Variants in RBFOX1 observed in about 807,000 individuals in gnomAD.
RBFOX1 encodes RNA binding fox-1 homolog 1, also known as RNA binding protein fox-1 homolog 1.
In RBFOX1, 8 loss-of-function variants were observed where a neutral mutation model predicts 57.7. That is an observed-to-expected ratio of 0.14 (90% CI 0.08 to 0.25). The LOEUF is 0.25. Among genes scored for constraint, RBFOX1 ranks in the 10% least tolerant of loss-of-function variants. The pLI is 1.00. For synonymous variants in RBFOX1, 326 were observed against 222.4 expected, an observed-to-expected ratio of 1.47 and a Z score of -4.15; for missense variants, 611 against 548.5, an observed-to-expected ratio of 1.11 and a Z score of -1.14.
chr16:6,744,657 A>G (rs1410633996), intron 3 of RBFOX1, among the ~76,000 whole-genome samples: 2 of 152,120 alleles, frequency 1.3e-5, no homozygotes, highest in South Asian at 2.1e-4. Flanking sequence ...AAAAATATAC[A>G]TAAGACATAT....
At chr16:6,951,829 G>T (rs1313041114) in intron 3 of RBFOX1, among the ~76,000 whole-genome samples, 2 of 152,132 alleles carry the variant, frequency 1.3e-5, no homozygotes, top group African/African-American at 4.8e-5. Flanking sequence ...CGCCTCCTGG[G>T]TTCAAGCGAT....
chr16:5,483,998 C>T (rs1019930680), intron 2 of RBFOX1, among the ~76,000 whole-genome samples: 2 of 151,984 alleles, frequency 1.3e-5, no homozygotes, highest in African/African-American at 4.8e-5. Context: ...TAGTAAGACC[C>T]TGTCTTGCCA....
intron 3 of RBFOX1, among the ~76,000 whole-genome samples, chr16:5,689,439 A>C (rs1014012446): frequency 2.0e-5 from 3 of 152,164 alleles, no homozygotes; most frequent in Admixed American, 6.6e-5. Flanking sequence ...GAGGGTGGGG[A>C]AAGCGGAGGA....
At chr16:5,495,026 T>A (rs2042957153) in intron 2 of RBFOX1, among the ~76,000 whole-genome samples, 4 of 152,196 alleles carry the variant, frequency 2.6e-5, no homozygotes, top group Admixed American at 2.6e-4. Context: ...CTCATACTGC[T>A]ATAAAAGACA....
intron 3 of RBFOX1, among the ~76,000 whole-genome samples, chr16:6,942,999 C>G (rs541699285): frequency 9.2e-5 from 14 of 152,290 alleles, no homozygotes; most frequent in Admixed American, 9.2e-4. Context: ...ATGGATCCCC[C>G]AAGGCTCTTC....
At chr16:7,061,980 C>G (rs1473641515) in intron 4 of RBFOX1, among the ~76,000 whole-genome samples, 1 of 152,100 alleles carries the variant, frequency 6.6e-6, no homozygotes, top group Non-Finnish European at 1.5e-5. Flanking sequence ...GCAAGAAACT[C>G]TCCTTTCCTG....
chr16:5,484,469 C>T (rs149368608), intron 2 of RBFOX1, among the ~76,000 whole-genome samples: 7 of 152,342 alleles, frequency 4.6e-5, no homozygotes, highest in Non-Finnish European at 2.9e-5. Context: ...ATTCCCTCTG[C>T]TTTATTCATT....
intron 4 of RBFOX1, among the ~76,000 whole-genome samples, chr16:5,869,689 C>T (rs547354298): frequency 6.6e-6 from 1 of 152,294 alleles, no homozygotes; most frequent in African/African-American, 2.4e-5. Flanking sequence ...AGGCATGAGC[C>T]ACCGCGCCCG....
intron 1 of RBFOX1, among the ~76,000 whole-genome samples, chr16:5,246,828 G>A (rs1017156862): frequency 1.3e-5 from 2 of 151,916 alleles, no homozygotes; most frequent in Non-Finnish European, 2.9e-5. Context: ...GCACCACCAC[G>A]CTCCACTAAG....
At chr16:6,934,830 A>G (rs535621119) in intron 3 of RBFOX1, among the ~76,000 whole-genome samples, 1 of 152,238 alleles carries the variant, frequency 6.6e-6, no homozygotes, top group South Asian at 2.1e-4. Flanking sequence ...TCCTGCAGGT[A>G]ATCCCAGCAC....
chr16:6,351,648 A>G (rs2086423242), intron 2 of RBFOX1, among the ~76,000 whole-genome samples: 1 of 152,130 alleles, frequency 6.6e-6, no homozygotes, highest in African/African-American at 2.4e-5. Context: ...TGTTGGGATT[A>G]CAGGCATAAG....
intron 1 of RBFOX1, among the ~76,000 whole-genome samples, chr16:6,209,482 A>G (rs72774600): frequency 0.018 from 2,734 of 152,310 alleles, 44 homozygotes; most frequent in Non-Finnish European, 0.029. Flanking sequence ...CATCTAATAC[A>G]CGTAACCTCT....
intron 3 of RBFOX1, among the ~76,000 whole-genome samples, chr16:6,972,485 C>G (rs1047554060): frequency 3.3e-5 from 5 of 152,150 alleles, no homozygotes; most frequent in Non-Finnish European, 7.3e-5. Context: ...ATCCATTCAT[C>G]TGTCAGTGGA....
At chr16:7,196,050 C>T (rs2152684003) in intron 4 of RBFOX1, among the ~76,000 whole-genome samples, 1 of 152,098 alleles carries the variant, frequency 6.6e-6, no homozygotes, top group East Asian at 1.9e-4. Flanking sequence ...CCCAGCCTCC[C>T]ATAGGGAGTT....
At chr16:7,075,971 TG>T (rs2153787922) in intron 4 of RBFOX1, among the ~76,000 whole-genome samples, 1 of 152,172 alleles carries the variant, frequency 6.6e-6, no homozygotes, top group South Asian at 2.1e-4. Flanking sequence ...CCACCGTCCT[TG>T]CACTTCCCTA....
At chr16:6,078,437 A>G (rs147956664) in intron 1 of RBFOX1, among the ~76,000 whole-genome samples, 1 of 151,812 alleles carries the variant, frequency 6.6e-6, no homozygotes, top group African/African-American at 2.4e-5. Flanking sequence ...ATCAGCTGTC[A>G]TTAGTATTAA....
chr16:5,981,059 G>A (rs1003571628), intron 4 of RBFOX1, among the ~76,000 whole-genome samples: 2 of 152,196 alleles, frequency 1.3e-5, no homozygotes, highest in Non-Finnish European at 2.9e-5. Context: ...CGTTCCTCTT[G>A]ACAGGATGCT....
intron 3 of RBFOX1, among the ~76,000 whole-genome samples, chr16:5,690,687 A>C (rs1433555740): frequency 6.6e-6 from 1 of 152,190 alleles, no homozygotes; most frequent in African/African-American, 2.4e-5. Flanking sequence ...ACATTAAATG[A>C]GTAATTTTCA....
chr16:7,322,843 C>T (rs2096563496), intron 4 of RBFOX1, among the ~76,000 whole-genome samples: 1 of 152,138 alleles, frequency 6.6e-6, no homozygotes, highest in Non-Finnish European at 1.5e-5. Flanking sequence ...TGCGTTCCTT[C>T]CCCTTCTGTT....
Sources: allele counts gnomAD v4.1 joint callset (sites outside exome capture counted in the v4.1 genomes callset), GRCh38; gene constraint gnomAD v4.1.1; transcripts MANE v1.5; gene names NCBI Gene and HGNC (gene_info 2026-07-23, HGNC 2026-07-21).